Variants in QTMAN observed in about 807,000 individuals in gnomAD.
QTMAN encodes the protein tRNA-queuosine alpha-mannosyltransferase.
chr2:144,052,851 A>ATG, the QTMAN span, among the ~76,000 whole-genome samples: 386 of 152,192 alleles, frequency 2.5e-3, 1 homozygote, highest in African/African-American at 8.8e-3. Flanking sequence ...GGGTTTCTCC[A>ATG]TTGGTCAGGC....
the QTMAN span, among the ~76,000 whole-genome samples, chr2:144,192,554 T>A: frequency 6.6e-6 from 1 of 152,302 alleles, no homozygotes; most frequent in East Asian, 1.9e-4. Flanking sequence ...TTACCTTCAG[T>A]CTCAAGTAGC....
the QTMAN span, among the ~76,000 whole-genome samples, chr2:144,331,609 C>T: frequency 1.3e-5 from 2 of 152,098 alleles, no homozygotes; most frequent in East Asian, 3.8e-4. Context: ...TAACCTAAAG[C>T]AGCACAGTTG....
the QTMAN span, among the ~76,000 whole-genome samples, chr2:144,313,919 A>G: frequency 9.9e-5 from 15 of 151,982 alleles, no homozygotes; most frequent in Non-Finnish European, 1.8e-4. Context: ...GACATCTACA[A>G]ACTTGAACTA....
At chr2:144,149,300 T>C in the QTMAN span, among the ~76,000 whole-genome samples, 1 of 151,978 alleles carries the variant, frequency 6.6e-6, no homozygotes, top group African/African-American at 2.4e-5. Flanking sequence ...CAGCTGCTGC[T>C]TGAGCACAAG....
the QTMAN span, among the ~76,000 whole-genome samples, chr2:143,994,754 T>C: frequency 6.6e-6 from 1 of 152,166 alleles, no homozygotes; most frequent in Non-Finnish European, 1.5e-5. Flanking sequence ...GGGTTTGACC[T>C]TAATAGGGCA....
At chr2:144,189,436 AACTAAGTG>A in the QTMAN span, among the ~76,000 whole-genome samples, 2 of 152,300 alleles carry the variant, frequency 1.3e-5, no homozygotes, top group East Asian at 3.9e-4. Context: ...GAAGAATAAC[AACTAAGTG>A]ACTACAGAGC....
chr2:144,239,322 A>G, the QTMAN span, among the ~76,000 whole-genome samples: 3 of 152,264 alleles, frequency 2.0e-5, no homozygotes, highest in Non-Finnish European at 2.9e-5. Context: ...ATAACCTCTT[A>G]AAACTAACTT....
the QTMAN span, among the ~76,000 whole-genome samples, chr2:144,182,839 A>ATATATATT: frequency 1.6e-4 from 11 of 68,876 alleles, no homozygotes; most frequent in African/African-American, 5.5e-4. Flanking sequence ...ATATATATAT[A>ATATATATT]TTATATATAT....
chr2:144,022,018 A>G, the QTMAN span, among the ~76,000 whole-genome samples: 1 of 151,346 alleles, frequency 6.6e-6, no homozygotes, highest in East Asian at 1.9e-4. Context: ...GCCTCTGAGG[A>G]AGGTATGGGG....
At chr2:144,150,881 T>C in the QTMAN span, among the ~76,000 whole-genome samples, 3 of 152,162 alleles carry the variant, frequency 2.0e-5, no homozygotes, top group Admixed American at 6.6e-5. Flanking sequence ...TCTAAGCATG[T>C]GCTGAGCACC....
chr2:144,136,528 T>C, the QTMAN span, among the ~76,000 whole-genome samples: 1 of 151,970 alleles, frequency 6.6e-6, no homozygotes, highest in Admixed American at 6.6e-5. Flanking sequence ...ATTCTTCAGA[T>C]GTTTGGATTT....
chr2:144,064,514 G>A, the QTMAN span, among the ~76,000 whole-genome samples: 194 of 152,164 alleles, frequency 1.3e-3, no homozygotes, highest in African/African-American at 4.5e-3. Flanking sequence ...TCTGCCTGCC[G>A]TTTCTCTTCT....
the QTMAN span, among the ~76,000 whole-genome samples, chr2:144,271,149 T>C: frequency 2.0e-5 from 3 of 152,194 alleles, no homozygotes; most frequent in Admixed American, 6.5e-5. Context: ...TAAATTTTCA[T>C]AGGAAGGGTA....
the QTMAN span, among the ~76,000 whole-genome samples, chr2:144,328,391 A>G: frequency 1.2e-4 from 18 of 152,232 alleles, no homozygotes; most frequent in Non-Finnish European, 2.5e-4. Context: ...AACTATTTTG[A>G]AATATTCTAG....
chr2:144,053,036 C>T, the QTMAN span, among the ~76,000 whole-genome samples: 2 of 152,160 alleles, frequency 1.3e-5, no homozygotes, highest in Non-Finnish European at 2.9e-5. Flanking sequence ...GATGTCCAAA[C>T]TGGTATTCCC....
At chr2:144,028,128 AT>A in the QTMAN span, among the ~76,000 whole-genome samples, 1 of 152,190 alleles carries the variant, frequency 6.6e-6, no homozygotes, top group Non-Finnish European at 1.5e-5. Context: ...TATAAAACCT[AT>A]TTTCATAGAA....
chr2:143,991,981 T>C, the QTMAN span, among the ~76,000 whole-genome samples: 7 of 151,932 alleles, frequency 4.6e-5, no homozygotes, highest in African/African-American at 1.7e-4. Flanking sequence ...CGGCCGCCCC[T>C]ACTGGGAAGT....
the QTMAN span, among the ~76,000 whole-genome samples, chr2:144,268,637 G>C: frequency 1.3e-5 from 2 of 152,144 alleles, no homozygotes; most frequent in Admixed American, 6.5e-5. Flanking sequence ...ACCCAGTTGA[G>C]GATGTATTTG....
At chr2:144,063,211 C>A in the QTMAN span, among the ~76,000 whole-genome samples, 1 of 152,064 alleles carries the variant, frequency 6.6e-6, no homozygotes, top group African/African-American at 2.4e-5. Flanking sequence ...TGGATTAAGT[C>A]CCTTAATCCA....
Sources: gnomAD v4.1 joint callset for allele counts (sites outside exome capture counted in the v4.1 genomes callset) on GRCh38, gnomAD v4.1.1 for gene constraint, MANE v1.5 for transcripts, NCBI Gene and HGNC (gene_info 2026-07-23, HGNC 2026-07-21) for gene names.